SLC35D1: variants seen among roughly 807,000 people sequenced by gnomAD.
SLC35D1 encodes the protein solute carrier family 35 member D1, also known as nucleotide sugar transporter SLC35D1.
A neutral mutation model predicts 46.7 loss-of-function variants in SLC35D1; 31 were observed. The ratio of observed to expected loss-of-function variants is 0.66; its 90% CI spans 0.50 to 0.90. The LOEUF (loss-of-function observed/expected upper bound fraction) is 0.90. SLC35D1 is among the 40% of genes least tolerant of loss of function. The pLI is 0.00. For missense variants in SLC35D1, 397 were observed against 426.2 expected, an observed-to-expected ratio of 0.93 and a Z score of 0.60; for synonymous variants, 195 against 164.6, an observed-to-expected ratio of 1.18 and a Z score of -1.41.
chr1:67,028,606 G>C (rs1039664061), intron 8 of SLC35D1, among the ~76,000 whole-genome samples: 2 of 152,100 alleles, frequency 1.3e-5, no homozygotes, highest in Non-Finnish European at 2.9e-5. Context: ...TTATGGTACA[G>C]TTTCCTTTAC....
chr1:66,985,616 C>T, the SLC35D1 span: 1 of 985,110 alleles, frequency 1.0e-6, no homozygotes, highest in African/African-American at 1.7e-5. Flanking sequence ...ACTGAGCTGT[C>T]CTTTCTTAAT....
In SLC35D1 at chr1:67,007,700, T is replaced by C. The variant is rs547979805; in HGVS notation, c.959+1385A>G. Among the ~76,000 whole-genome samples, 5 of 152,234 alleles carry C rather than the reference T, an allele frequency of 3.3e-5. No homozygotes were observed. In the East Asian group the frequency reaches 9.6e-4, roughly 29 times the overall value. ...ATGAGTAAACGCTTTGGAAAGGAAC[T>C]ATAATTTGCTCTCTAGCAGCTTTGG... On this transcript the variant is annotated intron_variant, in intron 11 of 11. Coordinates refer to ENST00000235345, the MANE Select transcript of SLC35D1 (RefSeq NM_015139.3).
rs758965418 is a variant in SLC35D1 at position 67,042,296 on chromosome 1, A to G, written c.669T>C (p.Asn223=). 11 of 1,614,052 alleles carry G rather than the reference A, an allele frequency of 6.8e-6. No individual in the cohort carries two copies. The South Asian group carries it at 7.7e-5, about 11-fold the overall frequency. ...GGGTGGGCAGAATCATGAACAGTGC[A>G]TTGTAATAGAGCAGTCCATATTTTC... ...ELGKYGLLYY[N]ALFMILPTLA... The change falls in exon 8 of 12, where the codon AAT becomes AAC. Residue 223 remains asparagine, a synonymous_variant. Transcript: ENST00000235345.
At chr1:67,035,738 G>A (rs572086799) in intron 8 of SLC35D1, among the ~76,000 whole-genome samples, 38 of 149,518 alleles carry the variant, frequency 2.5e-4, no homozygotes, top group African/African-American at 8.6e-4. Context: ...TTTGGGTTTG[G>A]AACCCAAAAG....
At chr1:67,041,337 T>C (rs1247414024) in intron 8 of SLC35D1, among the ~76,000 whole-genome samples, 4 of 152,156 alleles carry the variant, frequency 2.6e-5, no homozygotes, top group Non-Finnish European at 5.9e-5. Context: ...AGAAGAGGTA[T>C]GATGGGGGGT....
At chr1:67,017,772 T>C (rs1206773623) in intron 10 of SLC35D1, among the ~76,000 whole-genome samples, 2 of 152,220 alleles carry the variant, frequency 1.3e-5, no homozygotes, top group Non-Finnish European at 2.9e-5. Context: ...AGAGGCCTAG[T>C]GTACCTACAA....
intron 8 of SLC35D1, among the ~76,000 whole-genome samples, chr1:67,033,221 T>C (rs1668053973): frequency 6.6e-6 from 1 of 152,212 alleles, no homozygotes; most frequent in African/African-American, 2.4e-5. Context: ...ATATACTGAT[T>C]TCCTTTCTTT....
the SLC35D1 span, among the ~76,000 whole-genome samples, chr1:66,983,923 A>AC: frequency 6.6e-6 from 1 of 151,970 alleles, no homozygotes; most frequent in Non-Finnish European, 1.5e-5. Context: ...ACAAGTTTTC[A>AC]CCCTATTGGC....
At chr1:67,039,720 T>C (rs1668202228) in intron 8 of SLC35D1, among the ~76,000 whole-genome samples, 1 of 152,130 alleles carries the variant, frequency 6.6e-6, no homozygotes, top group African/African-American at 2.4e-5. Flanking sequence ...ATGAGAGCAG[T>C]TTATCAGCAC....
rs1667320927 is a variant in SLC35D1 at position 67,000,693 on chromosome 1, T to G, written c.*3647A>C. The G allele has an allele frequency of 6.6e-6, 1 of 152,238 alleles. No homozygotes were observed. The highest frequency in any genetic ancestry group is 6.5e-5 in the Admixed American group (1 of 15,280). 9.4% of individuals were successfully genotyped at this position (152,238 alleles called of 1,614,324 possible). ...AAGTAGTTTCATATCCATGTCTCAT[T>G]TATTCCGAACTTTTTTCCTCAGGGA... On this transcript the variant is annotated 3_prime_UTR_variant, in exon 12 of 12. Coordinates refer to ENST00000235345, the MANE Select transcript of SLC35D1 (RefSeq NM_015139.3).
chr1:67,054,039 C>A lies in SLC35D1; in HGVS notation c.-26G>T. The A allele has an allele frequency of 6.2e-7, 1 of 1,601,302 alleles. No homozygotes were observed. Among genetic ancestry groups the A allele is most frequent in the South Asian group, 1.1e-5 (1 of 89,720 alleles). On this transcript the variant is annotated 5_prime_UTR_variant, in exon 1 of 12. Transcript: ENST00000235345. Reference sequence around the variant, plus strand: ...GGCTGCCGCAGCAGCGGTGGCCTGGCGGCGGGGCCTAGCGGCTCGGGGGCC... The same window carrying A: ...GGCTGCCGCAGCAGCGGTGGCCTGGAGGCGGGGCCTAGCGGCTCGGGGGCC...
chr1:67,028,088 TTTTC>T (rs56674964), intron 8 of SLC35D1, among the ~76,000 whole-genome samples: 29,537 of 151,892 alleles, frequency 0.19, 5,305 homozygotes, highest in African/African-American at 0.48. Context: ...TCTTTGTGAT[TTTTC>T]TTTGTCTATG....
intron 6 of SLC35D1, among the ~76,000 whole-genome samples, chr1:67,048,654 C>T (rs2102365240): frequency 6.6e-6 from 1 of 152,252 alleles, no homozygotes; most frequent in East Asian, 1.9e-4. Flanking sequence ...ACTGGAACTC[C>T]TGGATGGAAA....
At chr1:67,044,073 T>C (rs1299735375) in intron 7 of SLC35D1, among the ~76,000 whole-genome samples, 1 of 152,196 alleles carries the variant, frequency 6.6e-6, no homozygotes, top group Non-Finnish European at 1.5e-5. Flanking sequence ...CAGTGGCTCA[T>C]GCCTGTCATC....
the SLC35D1 span, among the ~76,000 whole-genome samples, chr1:66,981,092 CAT>C: frequency 7.8e-6 from 1 of 127,880 alleles, no homozygotes; most frequent in Admixed American, 7.3e-5. Context: ...GTGTGTTAGA[CAT>C]ATGATTTATC....
chr1:67,009,067 T>C lies in SLC35D1; in HGVS notation c.959+18A>G. The C allele has an allele frequency of 8.0e-7, 1 of 1,246,266 alleles. No individual in the cohort carries two copies. The highest frequency in any genetic ancestry group is 1.2e-5 in the South Asian group (1 of 81,700). 77.2% of individuals were successfully genotyped at this position (1,246,266 alleles called of 1,614,324 possible). A position where few individuals can be genotyped will look rare whatever the true frequency, so the allele number is the denominator to read the frequency against. The stretch of plus-strand genomic sequence containing the variant: ...ATCCAATTCCGATTTTGCAATTTAA[T>C]TAAATATTTTTACTTACCTGATATT... On this transcript the variant is annotated intron_variant, in intron 11 of 11. Coordinates refer to ENST00000235345, the MANE Select transcript of SLC35D1 (RefSeq NM_015139.3).
At chr1:67,042,139 A>G in intron 8 of SLC35D1, 97 bp downstream of exon 8, 2 of 1,171,960 alleles carry the variant, frequency 1.7e-6, no homozygotes, top group Non-Finnish European at 1.3e-6. Flanking sequence ...TCACTTAATA[A>G]GCATATTTCT....
intron 3 of SLC35D1, among the ~76,000 whole-genome samples, chr1:67,052,530 C>T (rs1384120787): frequency 6.6e-6 from 1 of 152,180 alleles, no homozygotes; most frequent in Non-Finnish European, 1.5e-5. Context: ...ATTGTACTCT[C>T]AACAAGTGTG....
intron 6 of SLC35D1, 76 bp downstream of exon 6, chr1:67,049,706 G>A: frequency 7.7e-7 from 1 of 1,293,932 alleles, no homozygotes; most frequent in Non-Finnish European, 1.1e-6. Context: ...ATAAAAAATT[G>A]TTATTGATAA....
Sources: gnomAD v4.1 joint callset for allele counts (sites outside exome capture counted in the v4.1 genomes callset) on GRCh38, gnomAD v4.1.1 for gene constraint, MANE v1.5 for transcripts, NCBI Gene and HGNC (gene_info 2026-07-23, HGNC 2026-07-21) for gene names.